The following NKAIN2 variants were observed in gnomAD, a reference collection of about 807,000 sequenced individuals.
NKAIN2 encodes the protein sodium/potassium-transporting ATPase subunit beta-1-interacting protein 2.
NKAIN2 carries 14 observed loss-of-function variants against 32.6 expected under a neutral mutation model. That is an observed-to-expected ratio of 0.43 (90% CI 0.28 to 0.67). NKAIN2 has a LOEUF of 0.67. NKAIN2 is among the 30% of genes least tolerant of loss of function. The pLI is 0.17. For missense variants in NKAIN2, 198 were observed against 258.3 expected (o/e 0.77, Z 1.60); for synonymous variants, 80 against 87.2 (o/e 0.92, Z 0.46).
intron 1 of NKAIN2, among the ~76,000 whole-genome samples, chr6:124,197,346 T>C (rs1242786604): frequency 2.0e-5 from 3 of 152,202 alleles, no homozygotes; most frequent in Middle Eastern, 3.4e-3. Flanking sequence ...CAGCCTTATA[T>C]GGCTTTGTAT....
At chr6:124,116,995 G>A (rs912894864) in intron 1 of NKAIN2, among the ~76,000 whole-genome samples, 2 of 151,922 alleles carry the variant, frequency 1.3e-5, no homozygotes, top group African/African-American at 2.4e-5. Flanking sequence ...AATACGGGAT[G>A]GATATAAAAT....
chr6:124,793,977 T>C (rs2475860), intron 5 of NKAIN2, among the ~76,000 whole-genome samples: 62,830 of 151,996 alleles, frequency 0.41, 14,152 homozygotes, highest in Non-Finnish European at 0.49. Flanking sequence ...GTGGAACCTT[T>C]AGTTCAAATC....
In NKAIN2 at chr6:124,336,688, T is replaced by TG. The variant is rs1797884699; in HGVS notation, c.193-18579_193-18578insG. 3.3e-5 allele frequency among the ~76,000 whole-genome samples: 5 copies of TG among 151,444 alleles called. 1 individual carries two copies. The highest frequency in any genetic ancestry group is 1.2e-4 in the African/African-American group (5 of 41,202). Reference sequence around the variant, plus strand: ...AGTTTGTTTTTTTTTGTTTGTTTTTTTTTTGAGACGGAGTCTTGCTCTGTC... The same window carrying TG: ...AGTTTGTTTTTTTTTGTTTGTTTTTTGTTTTGAGACGGAGTCTTGCTCTGTC... On this transcript the variant is annotated intron_variant, in intron 2 of 6. Coordinates refer to ENST00000368417, the MANE Select transcript of NKAIN2 (RefSeq NM_001040214.3).
intron 1 of NKAIN2, among the ~76,000 whole-genome samples, chr6:124,221,838 A>T (rs1396158222): frequency 6.6e-6 from 1 of 152,172 alleles, no homozygotes; most frequent in African/African-American, 2.4e-5. Context: ...ACTTATTTAA[A>T]ATTCACTAGA....
Position 123,864,784 on chromosome 6 carries a change from A to C in NKAIN2, c.54+60530A>C, listed in dbSNP as rs141567666. On this transcript the variant is annotated intron_variant, in intron 1 of 6. Coordinates refer to ENST00000368417, the MANE Select transcript of NKAIN2 (RefSeq NM_001040214.3). ...ATAAATTGAGTGTAATCACTATTCA[A>C]GTGTTCTATATTTGCCTCTAAAGCT... 8.2e-3 allele frequency among the ~76,000 whole-genome samples: 1,247 copies of C among 152,340 alleles called. 13 individuals carry two copies. Among genetic ancestry groups the C allele is most frequent in the African/African-American group, 0.028 (1,164 of 41,578 alleles).
intron 1 of NKAIN2, among the ~76,000 whole-genome samples, chr6:124,087,706 A>G (rs1214881919): frequency 6.6e-6 from 1 of 151,946 alleles, no homozygotes; most frequent in East Asian, 1.9e-4. Context: ...AGAAAATTCA[A>G]TTGCGTATGT....
chr6:124,339,288 TGAGCC>T (rs76923761), intron 2 of NKAIN2, among the ~76,000 whole-genome samples: 3,492 of 149,432 alleles, frequency 0.023, 77 homozygotes, highest in Non-Finnish European at 0.034. Flanking sequence ...GAAGTTGCAG[TGAGCC>T]GAGATCGCAC....
chr6:124,083,059 T>G (rs1469845428), intron 1 of NKAIN2, among the ~76,000 whole-genome samples: 3 of 152,030 alleles, frequency 2.0e-5, no homozygotes, highest in Admixed American at 2.0e-4. Context: ...TGATTTCTTG[T>G]AAATTCACAT....
chr6:124,002,032 A>G (rs1779897738), intron 1 of NKAIN2, among the ~76,000 whole-genome samples: 1 of 152,040 alleles, frequency 6.6e-6, no homozygotes, highest in South Asian at 2.1e-4. Context: ...TACAACAGTG[A>G]TACAGAGACG....
intron 3 of NKAIN2, among the ~76,000 whole-genome samples, chr6:124,450,758 G>T (rs932280610): frequency 6.6e-6 from 1 of 151,828 alleles, no homozygotes; most frequent in East Asian, 1.9e-4. Context: ...TTAGATAATT[G>T]AACATTTCTT....
chr6:124,504,373 A>C (rs779710126), intron 3 of NKAIN2, among the ~76,000 whole-genome samples: 3 of 152,156 alleles, frequency 2.0e-5, no homozygotes, highest in Non-Finnish European at 2.9e-5. Flanking sequence ...ACTTGGGCTA[A>C]TTTCCAATGC....
At chr6:124,599,035 G>A (rs79483757) in intron 3 of NKAIN2, among the ~76,000 whole-genome samples, 2 of 86,098 alleles carry the variant, frequency 2.3e-5, no homozygotes, top group Non-Finnish European at 4.9e-5. Context: ...TTTTTTTTTT[G>A]CCATACAACC....
chr6:124,290,538 G>C (rs1046597145), intron 2 of NKAIN2, among the ~76,000 whole-genome samples: 18 of 151,210 alleles, frequency 1.2e-4, no homozygotes, highest in African/African-American at 4.1e-4. Flanking sequence ...GTGTGTGTGT[G>C]TGTGTGTGTG....
intron 4 of NKAIN2, among the ~76,000 whole-genome samples, chr6:124,687,371 ATACATGGAATATATATAT>A (rs1215425372): frequency 1.6e-5 from 2 of 127,568 alleles, no homozygotes; most frequent in African/African-American, 5.8e-5. Flanking sequence ...ATACATACAC[ATACATGGAATATATATAT>A]TCCATGTATG....
At chr6:123,940,602 A>G (rs148154652) in intron 1 of NKAIN2, among the ~76,000 whole-genome samples, 8 of 152,142 alleles carry the variant, frequency 5.3e-5, no homozygotes, top group Admixed American at 3.3e-4. Context: ...ACACAAAGAT[A>G]AGTATGTATG....
At chr6:124,686,298 G>A (rs1773875900) in intron 4 of NKAIN2, among the ~76,000 whole-genome samples, 1 of 152,146 alleles carries the variant, frequency 6.6e-6, no homozygotes, top group South Asian at 2.1e-4. Context: ...CTGAGGCTGG[G>A]TAATTTATAA....
chr6:123,846,202 G>GGT (rs1346844497), intron 1 of NKAIN2, among the ~76,000 whole-genome samples: 1 of 152,164 alleles, frequency 6.6e-6, no homozygotes, highest in Non-Finnish European at 1.5e-5. Flanking sequence ...ATCATTTCTA[G>GGT]GTGTGTGTAA....
chr6:124,794,447 C>G (rs1779908947), intron 5 of NKAIN2, among the ~76,000 whole-genome samples: 2 of 152,048 alleles, frequency 1.3e-5, no homozygotes, highest in South Asian at 4.2e-4. Flanking sequence ...TCTAATAAGC[C>G]TTTTTCCCCT....
intron 4 of NKAIN2, among the ~76,000 whole-genome samples, chr6:124,754,464 A>ACAGG (rs68013325): frequency 1.8e-4 from 5 of 27,456 alleles, no homozygotes; most frequent in East Asian, 4.4e-3. Flanking sequence ...AACGACATGA[A>ACAGG]CACTTTTTTT....
Sources: allele counts gnomAD v4.1 joint callset (sites outside exome capture counted in the v4.1 genomes callset), GRCh38; gene constraint gnomAD v4.1.1; transcripts MANE v1.5; gene names NCBI Gene and HGNC (gene_info 2026-07-23, HGNC 2026-07-21).